The following SGCZ variants were observed in gnomAD, a reference collection of about 807,000 sequenced individuals.
The protein encoded by SGCZ is zeta-sarcoglycan.
In SGCZ, 40 loss-of-function variants were observed where a neutral mutation model predicts 41.3. The observed-to-expected ratio is 0.97, with a 90% confidence interval of 0.75 to 1.26. The LOEUF (loss-of-function observed/expected upper bound fraction) is 1.26. SGCZ is among the 50% of genes most tolerant of loss of function. SGCZ has a pLI of 0.00. For missense variants in SGCZ, 552 were observed against 369.8 expected (o/e 1.49, Z -4.04); for synonymous variants, 206 against 137.5 (o/e 1.50, Z -3.49).
intron 3 of SGCZ, among the ~76,000 whole-genome samples, chr8:14,299,066 A>C (rs2099841241): frequency 6.6e-6 from 1 of 152,068 alleles, no homozygotes; most frequent in Non-Finnish European, 1.5e-5. Context: ...TTTTCAACAA[A>C]GTTGCCAAAG....
chr8:14,825,270 CTAAT>C (rs377319247), intron 1 of SGCZ, among the ~76,000 whole-genome samples: 25 of 152,150 alleles, frequency 1.6e-4, no homozygotes, highest in African/African-American at 5.5e-4. Flanking sequence ...CATGAAATCT[CTAAT>C]TACCTGTTCC....
In SGCZ at chr8:15,041,830, A is replaced by T. The variant is rs186867163; in HGVS notation, c.39+195755T>A. Among the ~76,000 whole-genome samples, 324 of 152,192 alleles carry T rather than the reference A, an allele frequency of 2.1e-3. 2 individuals carry two copies. The highest frequency in any genetic ancestry group is 9.1e-4 in the Non-Finnish European group (62 of 68,000). On this transcript the variant is annotated intron_variant, in intron 1 of 7. Transcript: ENST00000382080. ...ATATGTAAATCAGAAAATATAACATATTAACTTACTACGCCAAAAGACAAA... is the reference window on the plus strand; with the variant it reads ...ATATGTAAATCAGAAAATATAACATTTTAACTTACTACGCCAAAAGACAAA...
At chr8:14,942,885 A>C (rs1429532564) in intron 1 of SGCZ, among the ~76,000 whole-genome samples, 1 of 152,102 alleles carries the variant, frequency 6.6e-6, no homozygotes, top group Non-Finnish European at 1.5e-5. Flanking sequence ...GAGGCACTTC[A>C]TTGCATTCCC....
chr8:14,967,311 C>T (rs543424074), intron 1 of SGCZ, among the ~76,000 whole-genome samples: 12 of 152,238 alleles, frequency 7.9e-5, no homozygotes, highest in African/African-American at 2.4e-4. Context: ...AGGGATAGCG[C>T]TTCTAACTGG....
intron 2 of SGCZ, among the ~76,000 whole-genome samples, chr8:14,510,911 T>C (rs564183978): frequency 6.6e-6 from 1 of 152,122 alleles, no homozygotes; most frequent in Non-Finnish European, 1.5e-5. Context: ...TCAATGAAGA[T>C]AGTGGCCTTC....
chr8:14,100,554 A>ACT, intron 7 of SGCZ, among the ~76,000 whole-genome samples: 1 of 79,774 alleles, frequency 1.3e-5, no homozygotes, highest in Non-Finnish European at 2.8e-5. Context: ...ACATTAGATT[A>ACT]ATATATTATA....
At chr8:14,591,076 G>A (rs1805225627) in intron 1 of SGCZ, among the ~76,000 whole-genome samples, 1 of 150,940 alleles carries the variant, frequency 6.6e-6, no homozygotes, top group Non-Finnish European at 1.5e-5. Context: ...AATAATAAAT[G>A]AGAAACAGGA....
intron 2 of SGCZ, among the ~76,000 whole-genome samples, chr8:14,537,717 G>A (rs1196242971): frequency 1.3e-5 from 2 of 151,820 alleles, no homozygotes; most frequent in Non-Finnish European, 2.9e-5. Context: ...ATGCTCAACT[G>A]TGTCATTGAA....
At chr8:14,197,987 T>C (rs927417330) in intron 4 of SGCZ, among the ~76,000 whole-genome samples, 3 of 152,200 alleles carry the variant, frequency 2.0e-5, no homozygotes, top group Admixed American at 1.3e-4. Context: ...AAAAATTAAT[T>C]GTGTATCTTT....
chr8:14,608,451 CG>C (rs34194705), intron 1 of SGCZ, among the ~76,000 whole-genome samples: 12,224 of 150,470 alleles, frequency 0.081, 691 homozygotes, highest in South Asian at 0.14. Context: ...GGCGGGGAGG[CG>C]GGGGGCAGAT....
intron 1 of SGCZ, among the ~76,000 whole-genome samples, chr8:15,157,705 A>T (rs190191676): frequency 2.0e-4 from 31 of 152,032 alleles, no homozygotes; most frequent in Admixed American, 2.0e-3. Flanking sequence ...ACACAGACAC[A>T]CTCTTAGGCA....
intron 5 of SGCZ, among the ~76,000 whole-genome samples, chr8:14,154,041 C>A (rs544365579): frequency 6.6e-6 from 1 of 152,000 alleles, no homozygotes; most frequent in African/African-American, 2.4e-5. Context: ...ATGTTGGCAC[C>A]CTGATCTCGA....
intron 3 of SGCZ, among the ~76,000 whole-genome samples, chr8:14,262,886 T>C (rs1799723121): frequency 6.6e-6 from 1 of 150,694 alleles, no homozygotes; most frequent in African/African-American, 2.4e-5. Context: ...GTATAAATCT[T>C]ATATATTTAA....
At chr8:14,877,732 T>A (rs1804416042) in intron 1 of SGCZ, among the ~76,000 whole-genome samples, 1 of 152,168 alleles carries the variant, frequency 6.6e-6, no homozygotes, top group Non-Finnish European at 1.5e-5. Context: ...GCCAAATAAG[T>A]TTCACAATGG....
At chr8:14,849,689 G>C (rs1585316699) in intron 1 of SGCZ, among the ~76,000 whole-genome samples, 2 of 152,064 alleles carry the variant, frequency 1.3e-5, no homozygotes, top group Non-Finnish European at 2.9e-5. Context: ...AGGAGTCTTT[G>C]TTGGTAATGC....
chr8:14,842,183 T>C (rs918329554), intron 1 of SGCZ, among the ~76,000 whole-genome samples: 1 of 152,104 alleles, frequency 6.6e-6, no homozygotes, highest in Non-Finnish European at 1.5e-5. Context: ...CTGAAGTAAA[T>C]GGAGTTCGAA....
intron 5 of SGCZ, among the ~76,000 whole-genome samples, chr8:14,138,463 T>A (rs1378196642): frequency 2.2e-4 from 32 of 147,240 alleles, no homozygotes; most frequent in African/African-American, 7.3e-4. Flanking sequence ...GAGACACACA[T>A]AGGCTCAAAA....
chr8:14,394,141 A>C (rs113761255), intron 2 of SGCZ, among the ~76,000 whole-genome samples: 15,969 of 112,226 alleles, frequency 0.14, 1,676 homozygotes, highest in African/African-American at 0.37. Flanking sequence ...ACCGCCCCCC[A>C]CCTTTTTTTT....
intron 1 of SGCZ, among the ~76,000 whole-genome samples, chr8:15,186,302 T>TAAAAAAAAAAA (rs1800342203): frequency 3.1e-5 from 3 of 96,600 alleles, no homozygotes; most frequent in Admixed American, 1.1e-4. Context: ...AAAAAAAAAG[T>TAAAAAAAAAAA]TAATTTCTCT....
Sources: allele counts gnomAD v4.1 joint callset (sites outside exome capture counted in the v4.1 genomes callset), GRCh38; gene constraint gnomAD v4.1.1; transcripts MANE v1.5; gene names NCBI Gene and HGNC (gene_info 2026-07-23, HGNC 2026-07-21).